IFT74: variants seen among roughly 807,000 people sequenced by gnomAD.
The protein encoded by IFT74 is intraflagellar transport protein 74 homolog.
IFT74 carries 92 observed loss-of-function variants against 96.7 expected under a neutral mutation model. The observed-to-expected ratio is 0.95, with a 90% CI of 0.80 to 1.13. The LOEUF (loss-of-function observed/expected upper bound fraction) is 1.13. Among genes scored for constraint, IFT74 ranks in the 50% most tolerant of loss-of-function variants. IFT74 has a pLI of 0.00. For missense variants in IFT74, 811 were observed against 698.2 expected, an observed-to-expected ratio of 1.16 and a Z score of -1.82; for synonymous variants, 223 against 213.2, an observed-to-expected ratio of 1.05 and a Z score of -0.40.
chr9:27,047,040 G>A (rs572545315), intron 14 of IFT74, among the ~76,000 whole-genome samples: 147 of 152,274 alleles, frequency 9.7e-4, no homozygotes, highest in African/African-American at 3.5e-3. Context: ...GGGCGTGATG[G>A]TGCATGCCTG....
At chr9:26,950,294 G>A (rs1002098574) in intron 1 of IFT74, among the ~76,000 whole-genome samples, 1 of 148,662 alleles carries the variant, frequency 6.7e-6, no homozygotes, top group African/African-American at 2.5e-5. Flanking sequence ...CCTGGCAACA[G>A]AGCGAGACTC....
At chr9:26,984,036 G>A (rs377688116) in intron 4 of IFT74, 35 of 303,524 alleles carry the variant, frequency 1.2e-4, no homozygotes, top group South Asian at 1.6e-4. Flanking sequence ...CGCCTGCCTC[G>A]GCCTCCCAAA....
intron 18 of IFT74, among the ~76,000 whole-genome samples, chr9:27,057,685 C>T (rs1197105759): frequency 1.3e-5 from 2 of 151,898 alleles, no homozygotes; most frequent in African/African-American, 2.4e-5. Context: ...GGTGAAACCC[C>T]GTCTCTACTA....
At chr9:27,060,831 G>A (rs1019951864) in intron 19 of IFT74, 180 bp downstream of exon 19, 14 of 367,514 alleles carry the variant, frequency 3.8e-5, no homozygotes, top group African/African-American at 1.9e-4. Flanking sequence ...GCGTGGTGGC[G>A]GGTGCCTGCA....
intron 7 of IFT74, among the ~76,000 whole-genome samples, chr9:26,989,817 CA>C (rs150618441): frequency 0.071 from 10,815 of 152,024 alleles, 555 homozygotes; most frequent in African/African-American, 0.14. Flanking sequence ...TATTACTAAT[CA>C]AATATTTATT....
intron 14 of IFT74, among the ~76,000 whole-genome samples, chr9:27,046,085 A>G (rs1042626750): frequency 2.6e-5 from 4 of 152,162 alleles, no homozygotes; most frequent in Non-Finnish European, 5.9e-5. Context: ...CATATTAATT[A>G]TGGTTTGTTT....
intron 2 of IFT74, among the ~76,000 whole-genome samples, chr9:26,975,369 T>A (rs1451354490): frequency 6.6e-6 from 1 of 152,224 alleles, no homozygotes; most frequent in African/African-American, 2.4e-5. Flanking sequence ...GTCATTAACA[T>A]GTTCGATTAA....
intron 13 of IFT74, among the ~76,000 whole-genome samples, chr9:27,030,654 A>G (rs555514984): frequency 1.9e-4 from 29 of 152,164 alleles, no homozygotes; most frequent in Non-Finnish European, 2.5e-4. Flanking sequence ...AATGAAAGTT[A>G]TATGGTCAGA....
intron 10 of IFT74, among the ~76,000 whole-genome samples, chr9:27,015,933 C>A (rs1329056843): frequency 6.6e-6 from 1 of 152,122 alleles, no homozygotes; most frequent in Non-Finnish European, 1.5e-5. Flanking sequence ...CAACACCATT[C>A]CTACCTTTTT....
At chr9:27,053,990 C>T (rs2782415) in intron 16 of IFT74, among the ~76,000 whole-genome samples, 149,551 of 152,338 alleles carry the variant, frequency 0.98, 73,468 homozygotes, top group East Asian at 1. Flanking sequence ...TTTGTATTTA[C>T]GTGTACATAC....
Position 26,984,102 on chromosome 9 carries a change from A to G in IFT74, c.306-155A>G, listed in dbSNP as rs796331047. 20 of 572,760 alleles carry G rather than the reference A, an allele frequency of 3.5e-5. No homozygotes were observed. In the African/African-American group the frequency reaches 3.5e-4, roughly 10 times the overall value. 35.5% of individuals were successfully genotyped at this position (572,760 alleles called of 1,614,324 possible). A position where few individuals can be genotyped will look rare whatever the true frequency, so the allele number is the denominator to read the frequency against. ...CCCAGCCAGAATATACCTCATTCTT[A>G]ATGAAATAAGCCACCTAAACTTTCT... On this transcript the variant is annotated intron_variant, in intron 4 of 19. Transcript: ENST00000380062.
chr9:27,055,765 AG>A lies in IFT74; in HGVS notation c.1491del (p.Ile498Ter). 1 of 1,531,158 alleles carries A rather than the reference AG, an allele frequency of 6.5e-7. No homozygotes were observed. 94.8% of individuals were successfully genotyped at this position (1,531,158 alleles called of 1,614,324 possible). Reference protein sequence around the residue: ...LPALKSSGEEKIKKLHQERMI... With the variant: ...LPALKSSGEEXIKKLHQERMI... ...GCTTTAAAATCATCAGGTGAAGAAAAGATAAAGGTAAATGTTAACCAAGTCT... is the reference window on the plus strand; with the variant it reads ...GCTTTAAAATCATCAGGTGAAGAAAAATAAAGGTAAATGTTAACCAAGTCT... On this transcript the variant is annotated frameshift_variant, in exon 17 of 20. Transcript: ENST00000380062. LOFTEE classifies it high-confidence loss of function.
intron 13 of IFT74, among the ~76,000 whole-genome samples, chr9:27,036,989 C>T (rs184037114): frequency 4.6e-5 from 7 of 151,940 alleles, no homozygotes; most frequent in African/African-American, 1.2e-4. Flanking sequence ...GAGGCTGAGG[C>T]GGGTGAATTA....
At chr9:26,986,254 A>G (rs1440835957) in intron 6 of IFT74, among the ~76,000 whole-genome samples, 1 of 151,864 alleles carries the variant, frequency 6.6e-6, no homozygotes, top group Non-Finnish European at 1.5e-5. Flanking sequence ...ATTATAGTAT[A>G]ACTTTTTATT....
intron 8 of IFT74, among the ~76,000 whole-genome samples, chr9:27,008,223 C>G (rs1257986874): frequency 2.0e-5 from 3 of 152,194 alleles, no homozygotes; most frequent in African/African-American, 7.2e-5. Flanking sequence ...TCAAATTGCA[C>G]TGCAGGCCTC....
At chr9:27,060,442 C>CT (rs892952180) in intron 18 of IFT74, 149 bp from the exon 19 acceptor site, 573 of 392,196 alleles carry the variant, frequency 1.5e-3, no homozygotes, top group East Asian at 2.3e-3. Context: ...ATTATTTAAT[C>CT]TTTTTTTTTC....
chr9:27,012,003 C>T, intron 10 of IFT74, 35 bp downstream of exon 10: 2 of 1,391,754 alleles, frequency 1.4e-6, no homozygotes, highest in Non-Finnish European at 9.7e-7. Context: ...TCTCATACTA[C>T]TCAGCTAAAA....
chr9:26,950,780 A>G (rs1825909060), intron 1 of IFT74, among the ~76,000 whole-genome samples: 1 of 152,242 alleles, frequency 6.6e-6, no homozygotes, highest in East Asian at 1.9e-4. Context: ...TTGTCTTTTA[A>G]CAGCTTGATA....
chr9:27,014,544 A>G (rs1469690463), intron 10 of IFT74, among the ~76,000 whole-genome samples: 6 of 152,332 alleles, frequency 3.9e-5, no homozygotes, highest in Non-Finnish European at 5.9e-5. Context: ...AAAAATACAC[A>G]ATATGTGCAA....
Sources: gnomAD v4.1 joint callset for allele counts (sites outside exome capture counted in the v4.1 genomes callset) on GRCh38, gnomAD v4.1.1 for gene constraint, MANE v1.5 for transcripts, NCBI Gene and HGNC (gene_info 2026-07-23, HGNC 2026-07-21) for gene names.